The following PTPRC variants were observed in gnomAD, a reference collection of about 807,000 sequenced individuals.
PTPRC encodes protein tyrosine phosphatase receptor type C.
In PTPRC, 44 loss-of-function variants were observed where a neutral mutation model predicts 155.9. The observed-to-expected ratio is 0.28, with a 90% confidence interval of 0.22 to 0.36. The LOEUF (loss-of-function observed/expected upper bound fraction) is 0.36, where lower values mean the gene tolerates loss of function less well. Among genes scored for constraint, PTPRC ranks in the 10% least tolerant of loss-of-function variants. The pLI, the probability that PTPRC is intolerant of heterozygous loss-of-function variation, is 1.00. For synonymous variants in PTPRC, 525 were observed against 533.1 expected, an observed-to-expected ratio of 0.98 and a Z score of 0.21; for missense variants, 1,401 against 1,564.6, an observed-to-expected ratio of 0.90 and a Z score of 1.76.
At chr1:198,711,667 T>A (rs1653317866) in intron 11 of PTPRC, among the ~76,000 whole-genome samples, 1 of 152,138 alleles carries the variant, frequency 6.6e-6, no homozygotes, top group Non-Finnish European at 1.5e-5. Flanking sequence ...ATGAGGCCAC[T>A]AAGGAAATAA....
At chr1:198,738,841 C>A (rs1252182696) in intron 23 of PTPRC, among the ~76,000 whole-genome samples, 1 of 151,614 alleles carries the variant, frequency 6.6e-6, no homozygotes, top group Non-Finnish European at 1.5e-5. Flanking sequence ...GTTGTCTGTT[C>A]AGGTTTTGGG....
chr1:198,735,569 T>C (rs1654597976), intron 23 of PTPRC, among the ~76,000 whole-genome samples: 1 of 143,978 alleles, frequency 6.9e-6, no homozygotes, highest in Admixed American at 7.1e-5. Context: ...AAGCAATTTG[T>C]CTTCATTGTC....
At chr1:198,700,707 A>T (rs1666417611) in intron 5 of PTPRC, among the ~76,000 whole-genome samples, 1 of 152,214 alleles carries the variant, frequency 6.6e-6, no homozygotes, top group South Asian at 2.1e-4. Flanking sequence ...TGTCACACAG[A>T]CTAGTCTGCT....
At chr1:198,653,562 C>G (rs1270296142) in intron 2 of PTPRC, among the ~76,000 whole-genome samples, 4 of 151,822 alleles carry the variant, frequency 2.6e-5, no homozygotes, top group African/African-American at 7.2e-5. Context: ...CTATAAACAT[C>G]TGTATTTGCT....
intron 29 of PTPRC, 143 bp from the exon 30 acceptor site, chr1:198,752,106 A>C (rs1655408820): frequency 1.1e-6 from 1 of 938,624 alleles, no homozygotes; most frequent in African/African-American, 1.7e-5. Flanking sequence ...GATTTTTATA[A>C]GTAGGTTTCA....
At chr1:198,675,809 T>C (rs570722728) in intron 2 of PTPRC, among the ~76,000 whole-genome samples, 3 of 152,140 alleles carry the variant, frequency 2.0e-5, no homozygotes, top group Non-Finnish European at 4.4e-5. Context: ...CTTTATCAGG[T>C]CAGGGGCTAT....
rs1055462975 is a variant in PTPRC at position 198,730,858 on chromosome 1, A to G, written c.1865-759A>G. ...TAAGATAAATGGGTCACCCTCATGG[A>G]TAACTTCTTTCTTTATCTGATAAAC... On this transcript the variant is annotated intron_variant, in intron 17 of 32. Transcript: ENST00000442510. 2.0e-5 allele frequency among the ~76,000 whole-genome samples: 3 copies of G among 152,248 alleles called. No individual in the cohort carries two copies. The East Asian group carries it at 5.8e-4, about 29-fold the overall frequency.
chr1:198,721,366 T>G (rs1388628845), intron 14 of PTPRC, among the ~76,000 whole-genome samples: 2 of 152,282 alleles, frequency 1.3e-5, no homozygotes, highest in East Asian at 3.9e-4. Flanking sequence ...TTTTTTTTCA[T>G]TTTTATAAAC....
chr1:198,711,834 G>T (rs1026437363), intron 11 of PTPRC, among the ~76,000 whole-genome samples: 1 of 152,172 alleles, frequency 6.6e-6, no homozygotes, highest in Non-Finnish European at 1.5e-5. Flanking sequence ...CACAAAAGAG[G>T]ATACACAGGT....
At chr1:198,694,135 A>G in intron 3 of PTPRC, 2 of 1,539,502 alleles carry the variant, frequency 1.3e-6, no homozygotes, top group African/African-American at 1.4e-5. Flanking sequence ...CTCACAAACC[A>G]CTGGAGTAAG....
At position 198,704,512 on chromosome 1, in the gene PTPRC, C is replaced by T. The variant is rs1666625995; in HGVS notation, c.685+14C>T. 8 of 1,613,960 alleles carry T rather than the reference C, an allele frequency of 5.0e-6. No individual in the cohort carries two copies. The highest frequency in any genetic ancestry group is 1.7e-4 in the Middle Eastern group (1 of 6,060). ...AGCCAACATGTGGTAAGTTTATTTA[C>T]TTAGAATCAGCATACCTCACTTTGG... On this transcript the variant is annotated intron_variant, in intron 8 of 32. Transcript: ENST00000442510.
intron 2 of PTPRC, among the ~76,000 whole-genome samples, chr1:198,645,520 A>G (rs141277220): frequency 6.6e-6 from 1 of 151,914 alleles, no homozygotes; most frequent in East Asian, 1.9e-4. Flanking sequence ...TTCACCCTTG[A>G]GACCCAATTT....
chr1:198,731,617 A>T lies in PTPRC; in HGVS notation c.1865A>T (p.Asp622Val). 6.3e-7 allele frequency: 1 copy of T among 1,598,842 alleles called. No homozygotes were observed. The highest frequency in any genetic ancestry group is 1.1e-5 in the South Asian group (1 of 90,810). The change falls in exon 18 of 33, where the codon GAT (aspartate) becomes GTT (valine). Residue 622 changes from aspartate (D) to valine (V), a missense_variant and splice_region_variant. Physicochemically the swap from Asp to Val is radical, Grantham distance 152 (BLOSUM62 -3). Transcript: ENST00000442510. ...TATTGAATCTTTAATATGTTTCCAG[A>T]TGATGAAAAACAACTGATGAATGTG... ...LDEQQELVER[D>V]DEKQLMNVEP... is the part of the protein sequence containing the mutation.
chr1:198,667,837 T>C (rs1571806062), intron 2 of PTPRC, among the ~76,000 whole-genome samples: 1 of 152,338 alleles, frequency 6.6e-6, no homozygotes, highest in South Asian at 2.1e-4. Flanking sequence ...AATCCTATAA[T>C]TTCAATAGGT....
chr1:198,751,217 A>G (rs1410304812), intron 29 of PTPRC, among the ~76,000 whole-genome samples: 3 of 152,050 alleles, frequency 2.0e-5, no homozygotes, highest in African/African-American at 7.2e-5. Flanking sequence ...ATTCCCATAT[A>G]ATATTTATTG....
intron 2 of PTPRC, among the ~76,000 whole-genome samples, chr1:198,676,747 A>G (rs1664978011): frequency 1.3e-5 from 2 of 152,214 alleles, no homozygotes; most frequent in South Asian, 2.1e-4. Context: ...TGCAAAAGGA[A>G]TACGATAAAG....
At chr1:198,723,220 T>G (rs1036428132) in intron 15 of PTPRC, among the ~76,000 whole-genome samples, 1 of 151,804 alleles carries the variant, frequency 6.6e-6, no homozygotes, top group African/African-American at 2.4e-5. Context: ...GTACTCTACT[T>G]TGGGCTTTCT....
intron 23 of PTPRC, among the ~76,000 whole-genome samples, chr1:198,736,061 A>T (rs1398045688): frequency 6.6e-6 from 1 of 151,550 alleles, no homozygotes; most frequent in Non-Finnish European, 1.5e-5. Context: ...TTTTTGGGGT[A>T]CATGGTAGGT....
chr1:198,652,772 A>G (rs1663325932), intron 2 of PTPRC, among the ~76,000 whole-genome samples: 1 of 151,788 alleles, frequency 6.6e-6, no homozygotes, highest in African/African-American at 2.4e-5. Flanking sequence ...GAAGATGAAA[A>G]ATACTTTCAG....
Sources: gnomAD v4.1 joint callset for allele counts (sites outside exome capture counted in the v4.1 genomes callset) on GRCh38, gnomAD v4.1.1 for gene constraint, MANE v1.5 for transcripts, NCBI Gene and HGNC (gene_info 2026-07-23, HGNC 2026-07-21) for gene names.